The following FGF12 variants were observed in gnomAD, a reference collection of about 807,000 sequenced individuals.
The protein encoded by FGF12 is fibroblast growth factor 12B.
In FGF12, 14 loss-of-function variants were observed where a neutral mutation model predicts 23.6. That is an observed-to-expected ratio of 0.59 (90% CI 0.39 to 0.93). The LOEUF (loss-of-function observed/expected upper bound fraction) is 0.93, where lower values mean the gene tolerates loss of function less well. Ranked by LOEUF, FGF12 falls within the 40% of genes least tolerant of loss-of-function variation. The pLI is 0.00. For missense variants in FGF12, 175 were observed against 217.8 expected (o/e 0.80, Z 1.24); for synonymous variants, 62 against 77.3 (o/e 0.80, Z 1.04).
At chr3:192,257,594 T>C (rs952592485) in intron 4 of FGF12, among the ~76,000 whole-genome samples, 4 of 152,188 alleles carry the variant, frequency 2.6e-5, no homozygotes, top group African/African-American at 7.2e-5. Flanking sequence ...TGGCTAAGTG[T>C]AGTTCATCTA....
chr3:192,407,828 G>C (rs1176237054), intron 2 of FGF12, among the ~76,000 whole-genome samples: 3 of 152,246 alleles, frequency 2.0e-5, no homozygotes, highest in Non-Finnish European at 4.4e-5. Flanking sequence ...ACTGATCAAA[G>C]TAGAGTGTTT....
At chr3:192,704,594 G>A (rs1025317304) in intron 2 of FGF12, among the ~76,000 whole-genome samples, 3 of 152,148 alleles carry the variant, frequency 2.0e-5, no homozygotes, top group African/African-American at 7.2e-5. Flanking sequence ...ACTATTTTCA[G>A]AATGGTGCAT....
rs149701728 is a variant in FGF12, at chr3:192,617,397, G to GC, written c.13+109783dup. ...AGAGAGTGGGGTTCAGGACATGGCT[G>GC]CCTAGGACACTACAAAGTGATAAAG... On this transcript the variant is annotated intron_variant, in intron 2 of 5. Transcript: ENST00000445105. 2.5e-3 allele frequency among the ~76,000 whole-genome samples: 381 copies of GC among 152,146 alleles called. 17 individuals are homozygous for GC. In the East Asian group the frequency reaches 0.062, roughly 25 times the overall value.
At chr3:192,155,334 AT>A (rs1407766654) in intron 5 of FGF12, among the ~76,000 whole-genome samples, 1 of 152,180 alleles carries the variant, frequency 6.6e-6, no homozygotes, top group Non-Finnish European at 1.5e-5. Flanking sequence ...GTCTTTCAGC[AT>A]TTGAAACTTT....
chr3:192,400,829 A>G (rs1215824188), intron 2 of FGF12, among the ~76,000 whole-genome samples: 1 of 152,144 alleles, frequency 6.6e-6, no homozygotes. Flanking sequence ...CTCCACTCAT[A>G]GTCTACCTCT....
chr3:192,591,538 G>A (rs927648143), intron 2 of FGF12, among the ~76,000 whole-genome samples: 7 of 151,862 alleles, frequency 4.6e-5, no homozygotes, highest in African/African-American at 1.7e-4. Flanking sequence ...TGGTTCCAAT[G>A]GAGTTCAGGC....
At chr3:192,658,108 T>G (rs571294893) in intron 2 of FGF12, among the ~76,000 whole-genome samples, 1 of 152,262 alleles carries the variant, frequency 6.6e-6, no homozygotes, top group South Asian at 2.1e-4. Context: ...AAAAATACAA[T>G]AGGACACATC....
chr3:192,387,524 A>G (rs1720094529), intron 2 of FGF12, among the ~76,000 whole-genome samples: 1 of 152,096 alleles, frequency 6.6e-6, no homozygotes, highest in African/African-American at 2.4e-5. Context: ...CATTCTTTCA[A>G]TAAAGTAGTA....
At chr3:192,427,558 A>G (rs1721732979) in intron 2 of FGF12, among the ~76,000 whole-genome samples, 1 of 152,180 alleles carries the variant, frequency 6.6e-6, no homozygotes, top group Admixed American at 6.5e-5. Flanking sequence ...GGACAATCTG[A>G]CGTTAATTCT....
chr3:192,507,472 T>C (rs1016193896), intron 2 of FGF12, among the ~76,000 whole-genome samples: 3 of 152,094 alleles, frequency 2.0e-5, no homozygotes, highest in Non-Finnish European at 2.9e-5. Context: ...ACCTAAATCT[T>C]CACCTGGGGA....
At chr3:192,545,911 A>T (rs555218453) in intron 2 of FGF12, among the ~76,000 whole-genome samples, 16 of 152,334 alleles carry the variant, frequency 1.1e-4, no homozygotes, top group Non-Finnish European at 2.2e-4. Flanking sequence ...AGATTTTGAA[A>T]AGAAAAGTAG....
At chr3:192,706,695 A>G (rs1324663819) in intron 2 of FGF12, among the ~76,000 whole-genome samples, 3 of 152,158 alleles carry the variant, frequency 2.0e-5, no homozygotes, top group African/African-American at 7.2e-5. Flanking sequence ...CGCTTACAAC[A>G]CACTAAGGCC....
intron 5 of FGF12, among the ~76,000 whole-genome samples, chr3:192,149,475 C>A (rs1396317054): frequency 8.7e-6 from 1 of 114,488 alleles, no homozygotes; most frequent in Non-Finnish European, 1.8e-5. Context: ...TCCCCCCACC[C>A]CACAACAGTC....
At position 192,320,352 on chromosome 3, in the gene FGF12, C is replaced by A. The variant is rs561641787; in HGVS notation, c.228+15009G>T. Among the ~76,000 whole-genome samples the A allele has an allele frequency of 2.0e-5, 3 of 152,188 alleles. No individual in the cohort carries two copies. The East Asian group carries it at 5.8e-4, about 29-fold the overall frequency. On this transcript the variant is annotated intron_variant, in intron 4 of 5. Transcript: ENST00000445105. ...ATATTATCAGAGCTACAGAGAGAGA[C>A]CCCAATAAAATAATAACCGGAGACT...
intron 2 of FGF12, among the ~76,000 whole-genome samples, chr3:192,605,279 A>T (rs1227877581): frequency 6.6e-6 from 1 of 151,680 alleles, no homozygotes; most frequent in East Asian, 1.9e-4. Flanking sequence ...CGGGAGGCTG[A>T]GGCAGGCAGG....
At chr3:192,594,771 A>G (rs1198734830) in intron 2 of FGF12, among the ~76,000 whole-genome samples, 1 of 151,946 alleles carries the variant, frequency 6.6e-6, no homozygotes, top group Non-Finnish European at 1.5e-5. Flanking sequence ...GGTTCTCACC[A>G]GACGCAACCC....
intron 2 of FGF12, among the ~76,000 whole-genome samples, chr3:192,399,863 T>C (rs1388621644): frequency 1.3e-5 from 2 of 152,206 alleles, no homozygotes; most frequent in East Asian, 3.9e-4. Flanking sequence ...TAGGGCCCTC[T>C]CTACTGACTC....
rs1368869527 is a variant in FGF12, at chr3:192,143,042, A to C, written c.*967T>G. ...CACAAGACAGGGTACAAAGCTTTCTAAAACATGCTCTCAGGTGTCCACACC... is the reference window on the plus strand; with the variant it reads ...CACAAGACAGGGTACAAAGCTTTCTCAAACATGCTCTCAGGTGTCCACACC... On this transcript the variant is annotated 3_prime_UTR_variant, in exon 6 of 6. Coordinates refer to ENST00000445105, the MANE Select transcript of FGF12 (RefSeq NM_004113.6). The C allele has an allele frequency of 6.6e-6, 1 of 152,002 alleles. No individual in the cohort carries two copies. The highest frequency in any genetic ancestry group is 6.6e-5 in the Admixed American group (1 of 15,258). The allele number at this position is 152,002 out of a possible 1,614,324, so 9.4% of individuals were successfully genotyped here.
At chr3:192,505,531 G>A (rs1398161918) in intron 2 of FGF12, among the ~76,000 whole-genome samples, 1 of 151,988 alleles carries the variant, frequency 6.6e-6, no homozygotes, top group Non-Finnish European at 1.5e-5. Flanking sequence ...ATTATATTGG[G>A]GTTATAGATT....
Sources: allele counts gnomAD v4.1 joint callset (sites outside exome capture counted in the v4.1 genomes callset), GRCh38; gene constraint gnomAD v4.1.1; transcripts MANE v1.5; gene names NCBI Gene and HGNC (gene_info 2026-07-23, HGNC 2026-07-21).